The following KAT6B variants were observed in gnomAD, a reference collection of about 807,000 sequenced individuals.
KAT6B encodes lysine acetyltransferase 6B, also known as histone acetyltransferase KAT6B.
Under a neutral mutation model 187.5 loss-of-function variants are expected in KAT6B, and 10 were observed. That is an observed-to-expected ratio of 0.05 (90% confidence interval 0.03 to 0.09). KAT6B has a LOEUF of 0.09. KAT6B is among the 10% of genes least tolerant of loss of function. The probability of loss-of-function intolerance (pLI) is 1.00; values close to 1 mark genes in which losing one functional copy is unlikely to be tolerated. For synonymous variants in KAT6B, 861 were observed against 926.8 expected, an observed-to-expected ratio of 0.93 and a Z score of 1.29; for missense variants, 1,952 against 2,558.9, an observed-to-expected ratio of 0.76 and a Z score of 5.12.
At chr10:74,910,610 T>C (rs1847132657) in intron 3 of KAT6B, among the ~76,000 whole-genome samples, 1 of 144,398 alleles carries the variant, frequency 6.9e-6, no homozygotes, top group African/African-American at 2.9e-5. Context: ...CTTTCACATT[T>C]TTTCTTTTTT....
chr10:74,945,562 G>T (rs536655452), intron 3 of KAT6B, among the ~76,000 whole-genome samples: 2 of 152,016 alleles, frequency 1.3e-5, no homozygotes, highest in Non-Finnish European at 2.9e-5. Context: ...TCCTGGGTTC[G>T]GGAGATTCTT....
intron 3 of KAT6B, among the ~76,000 whole-genome samples, chr10:74,859,323 G>A (rs1287606717): frequency 6.6e-6 from 1 of 151,934 alleles, no homozygotes; most frequent in Non-Finnish European, 1.5e-5. Flanking sequence ...GGCCTCAAGA[G>A]ATCCAGCCAC....
chr10:74,908,688 T>G (rs1442363942), intron 3 of KAT6B, among the ~76,000 whole-genome samples: 2 of 152,220 alleles, frequency 1.3e-5, no homozygotes, highest in African/African-American at 4.8e-5. Context: ...AATGGGAATT[T>G]TATGTGGGTC....
chr10:75,009,105 T>A (rs1844417612), intron 13 of KAT6B, among the ~76,000 whole-genome samples: 1 of 152,236 alleles, frequency 6.6e-6, no homozygotes, highest in African/African-American at 2.4e-5. Flanking sequence ...CCCATGAGTA[T>A]GTGTGTTGTA....
chr10:75,019,034 CTCT>C (rs1845193152), intron 13 of KAT6B, among the ~76,000 whole-genome samples: 1 of 152,158 alleles, frequency 6.6e-6, no homozygotes, highest in African/African-American at 2.4e-5. Context: ...ACGTAGAGAG[CTCT>C]TCTTCGTGTT....
At chr10:74,841,722 T>C (rs538829367) in intron 2 of KAT6B, among the ~76,000 whole-genome samples, 1 of 152,304 alleles carries the variant, frequency 6.6e-6, no homozygotes, top group East Asian at 1.9e-4. Context: ...CTCTGTACAG[T>C]TTAAACTATA....
chr10:74,887,228 G>T, intron 3 of KAT6B, among the ~76,000 whole-genome samples: 1 of 152,140 alleles, frequency 6.6e-6, no homozygotes, highest in Non-Finnish European at 1.5e-5. Flanking sequence ...GGAGAGAGGG[G>T]TGGGGTGACA....
chr10:75,028,663 C>T lies in KAT6B; in HGVS notation c.3839C>T (p.Pro1280Leu). 6.2e-7 allele frequency: 1 copy of T among 1,614,080 alleles called. No individual in the cohort carries two copies. The highest frequency in any genetic ancestry group is 8.5e-7 in the Non-Finnish European group (1 of 1,180,030). ...KLNLYTPPETPMEPDEQVTVE... is the reference protein window; with the variant it reads ...KLNLYTPPETLMEPDEQVTVE... ...AATTTGTACACCCCGCCAGAAACACCCATGGAGCCTGACGAGCAGGTAACA... is the reference window on the plus strand; with the variant it reads ...AATTTGTACACCCCGCCAGAAACACTCATGGAGCCTGACGAGCAGGTAACA... The change falls in exon 18 of 18, where the codon CCC becomes CTC. Residue 1280 changes from proline to leucine, a missense_variant. Coordinates refer to ENST00000287239, the MANE Select transcript of KAT6B (RefSeq NM_012330.4).
In KAT6B at chr10:74,854,985, C is replaced by CT. The variant is rs1305670352; in HGVS notation, c.621+11511dup. ...GTTTTGTCTCCCCCATCAAGTCGGT[C>CT]TTTTGTTGTTAATCTTCCATCTGTT... is the stretch of plus-strand genomic sequence containing the variant. On this transcript the variant is annotated intron_variant, in intron 3 of 17. Coordinates refer to ENST00000287239, the MANE Select transcript of KAT6B (RefSeq NM_012330.4). Among the ~76,000 whole-genome samples, 3 of 152,148 alleles carry CT rather than the reference C, an allele frequency of 2.0e-5. No individual in the cohort carries two copies. The East Asian group carries it at 5.8e-4, about 29-fold the overall frequency.
chr10:74,967,085 G>A (rs1242378305), intron 4 of KAT6B, among the ~76,000 whole-genome samples: 1 of 151,776 alleles, frequency 6.6e-6, no homozygotes, highest in Non-Finnish European at 1.5e-5. Context: ...CCAGCACTTT[G>A]GGAGGCTGAG....
At chr10:75,028,252 G>A (rs1589839513) in intron 17 of KAT6B, among the ~76,000 whole-genome samples, 1 of 152,046 alleles carries the variant, frequency 6.6e-6, no homozygotes, top group East Asian at 1.9e-4. Context: ...AAGCACATTA[G>A]CATTGCCTAT....
At chr10:74,996,900 A>G (rs1054229266) in intron 13 of KAT6B, among the ~76,000 whole-genome samples, 1 of 152,142 alleles carries the variant, frequency 6.6e-6, no homozygotes, top group Non-Finnish European at 1.5e-5. Context: ...ATATAAAAAT[A>G]TAGAACTTCT....
At chr10:74,836,249 G>A (rs1841300379) in intron 1 of KAT6B, among the ~76,000 whole-genome samples, 1 of 152,094 alleles carries the variant, frequency 6.6e-6, no homozygotes, top group South Asian at 2.1e-4. Flanking sequence ...ACACCTTTTG[G>A]CTACTGTGAA....
chr10:74,883,614 A>T (rs948405093), intron 3 of KAT6B, among the ~76,000 whole-genome samples: 2 of 152,322 alleles, frequency 1.3e-5, no homozygotes, highest in South Asian at 4.1e-4. Context: ...GGTAGAACAC[A>T]TTTCATAAGA....
chr10:74,925,907 A>T (rs1301656035), intron 3 of KAT6B, among the ~76,000 whole-genome samples: 2 of 151,942 alleles, frequency 1.3e-5, no homozygotes, highest in African/African-American at 4.8e-5. Context: ...GGCAGAACAG[A>T]TGCAGCTTGT....
At chr10:74,836,122 T>C (rs1410093023) in intron 1 of KAT6B, among the ~76,000 whole-genome samples, 1 of 152,274 alleles carries the variant, frequency 6.6e-6, no homozygotes, top group East Asian at 1.9e-4. Context: ...TTGAGGTCCA[T>C]CTACATTGTA....
intron 4 of KAT6B, among the ~76,000 whole-genome samples, chr10:74,969,074 G>C (rs929958403): frequency 6.6e-6 from 1 of 152,160 alleles, no homozygotes; most frequent in African/African-American, 2.4e-5. Context: ...CCTGCTTCCA[G>C]AGTTTAAACT....
At chr10:74,929,395 G>T (rs1848714063) in intron 3 of KAT6B, among the ~76,000 whole-genome samples, 1 of 152,074 alleles carries the variant, frequency 6.6e-6, no homozygotes, top group South Asian at 2.1e-4. Context: ...GTGAAATCTT[G>T]TGATAAATAT....
intron 3 of KAT6B, among the ~76,000 whole-genome samples, chr10:74,879,055 C>T (rs1181288513): frequency 2.6e-5 from 4 of 152,266 alleles, no homozygotes; most frequent in Admixed American, 6.5e-5. Context: ...TGAGCTGAGC[C>T]GTACAACCAT....
Sources: allele counts gnomAD v4.1 joint callset (sites outside exome capture counted in the v4.1 genomes callset), GRCh38; gene constraint gnomAD v4.1.1; transcripts MANE v1.5; gene names NCBI Gene and HGNC (gene_info 2026-07-23, HGNC 2026-07-21).